The following PPARGC1A variants were observed in gnomAD, a reference collection of about 807,000 sequenced individuals.
PPARGC1A encodes PPARG coactivator 1 alpha.
In PPARGC1A, 25 loss-of-function variants were observed where a neutral mutation model predicts 88.7. That is an observed-to-expected ratio of 0.28 (90% CI 0.21 to 0.39). The LOEUF (loss-of-function observed/expected upper bound fraction) is 0.39. Ranked by LOEUF, PPARGC1A falls within the 10% of genes least tolerant of loss-of-function variation. The probability of loss-of-function intolerance (pLI) is 1.00; values close to 1 mark genes in which losing one functional copy is unlikely to be tolerated. For missense variants in PPARGC1A, 880 were observed against 968.7 expected, an observed-to-expected ratio of 0.91 and a Z score of 1.22; for synonymous variants, 363 against 355.6, an observed-to-expected ratio of 1.02 and a Z score of -0.24.
chr4:24,214,441 G>C, the PPARGC1A span, among the ~76,000 whole-genome samples: 214 of 152,284 alleles, frequency 1.4e-3, no homozygotes, highest in African/African-American at 5.0e-3. Context: ...CAGAAAGAAT[G>C]ACAGCATAGT....
the PPARGC1A span, among the ~76,000 whole-genome samples, chr4:24,377,382 G>C: frequency 3.9e-5 from 6 of 152,054 alleles, no homozygotes; most frequent in Non-Finnish European, 8.8e-5. Flanking sequence ...TAAATAAATA[G>C]AAAATATTTC....
chr4:23,894,882 T>C (rs1189290040), upstream of PPARGC1A, among the ~76,000 whole-genome samples: 2 of 152,178 alleles, frequency 1.3e-5, no homozygotes, highest in African/African-American at 4.8e-5. Context: ...ACATTTTCAT[T>C]TACCTTAATT....
At chr4:24,070,209 T>G in the PPARGC1A span, among the ~76,000 whole-genome samples, 1 of 152,190 alleles carries the variant, frequency 6.6e-6, no homozygotes, top group Non-Finnish European at 1.5e-5. Context: ...CTGGGCATTC[T>G]TCTCTTCACT....
the PPARGC1A span, among the ~76,000 whole-genome samples, chr4:23,938,869 A>T: frequency 3.2e-4 from 48 of 152,288 alleles, no homozygotes; most frequent in Non-Finnish European, 6.5e-4. Context: ...AGGAGAGAGC[A>T]TGTCTGCTGC....
chr4:24,295,140 G>A, the PPARGC1A span, among the ~76,000 whole-genome samples: 3 of 152,126 alleles, frequency 2.0e-5, no homozygotes, highest in Non-Finnish European at 2.9e-5. Context: ...TATTCTATAA[G>A]CATCAAACCA....
chr4:24,069,460 T>G, the PPARGC1A span, among the ~76,000 whole-genome samples: 1 of 152,200 alleles, frequency 6.6e-6, no homozygotes, highest in Non-Finnish European at 1.5e-5. Context: ...ATGACATTCC[T>G]TCTTTGAAGT....
the PPARGC1A span, among the ~76,000 whole-genome samples, chr4:24,450,859 T>C: frequency 3.3e-5 from 5 of 152,332 alleles, no homozygotes; most frequent in East Asian, 9.6e-4. Flanking sequence ...TCAGTGGAAA[T>C]GTACCTCTCT....
the PPARGC1A span, among the ~76,000 whole-genome samples, chr4:24,209,556 T>G: frequency 9.9e-5 from 15 of 152,180 alleles, no homozygotes; most frequent in East Asian, 3.8e-4. Context: ...ATGTGAATAG[T>G]GCTACTGCTG....
the PPARGC1A span, among the ~76,000 whole-genome samples, chr4:24,053,579 C>G: frequency 6.6e-6 from 1 of 152,182 alleles, no homozygotes; most frequent in Admixed American, 6.5e-5. Context: ...AGAGGAATCT[C>G]TCCCCATCTA....
the PPARGC1A span, among the ~76,000 whole-genome samples, chr4:23,910,120 T>C: frequency 2.3e-5 from 3 of 131,466 alleles, no homozygotes; most frequent in Non-Finnish European, 4.6e-5. Flanking sequence ...TATGTGTGTG[T>C]ATATATATAA....
the PPARGC1A span, among the ~76,000 whole-genome samples, chr4:24,110,834 G>A: frequency 6.6e-6 from 1 of 152,228 alleles, no homozygotes; most frequent in South Asian, 2.1e-4. Context: ...CAAAAGGGAA[G>A]CTGAAAAAGG....
chr4:24,315,036 A>T, the PPARGC1A span, among the ~76,000 whole-genome samples: 1 of 152,038 alleles, frequency 6.6e-6, no homozygotes, highest in Non-Finnish European at 1.5e-5. Context: ...AAAAAAAAAA[A>T]AAGAAATCTA....
the PPARGC1A span, among the ~76,000 whole-genome samples, chr4:24,192,385 C>T: frequency 2.6e-5 from 4 of 152,138 alleles, no homozygotes; most frequent in South Asian, 2.1e-4. Context: ...AAAAAATGTA[C>T]GCCTTACCCC....
In PPARGC1A at chr4:23,829,490, C is replaced by G; in HGVS notation, c.525G>C (p.Arg175Ser). The G allele has an allele frequency of 1.9e-6, 3 of 1,613,684 alleles. No homozygotes were observed. Among genetic ancestry groups the G allele is most frequent in the Non-Finnish European group, 2.5e-6 (3 of 1,179,664 alleles). The change falls in exon 4 of 13, where the codon AGG (arginine) becomes AGC (serine). Residue 175 changes from arginine (R) to serine (S), a missense_variant. Transcript: ENST00000264867. ...TAACAATTGCAGGGTTTGTTCTGAT[C>G]CTGTGATTGTGATTTGCATGGTTCT... ...STQNHANHNH[R>S]IRTNPAIVKT... is the part of the protein sequence containing the mutation.
the PPARGC1A span, among the ~76,000 whole-genome samples, chr4:24,015,776 C>A: frequency 6.6e-6 from 1 of 152,140 alleles, no homozygotes; most frequent in African/African-American, 2.4e-5. Flanking sequence ...CAAAGCCGCT[C>A]AGAGAAAGCC....
At position 23,831,638 on chromosome 4, in the gene PPARGC1A, G is replaced by T. The variant is rs529427617; in HGVS notation, c.348C>A (p.Asp116Glu). 5 of 1,614,088 alleles carry T rather than the reference G, an allele frequency of 3.1e-6. No individual in the cohort carries two copies. The highest frequency in any genetic ancestry group is 1.3e-5 in the African/African-American group (1 of 75,030). ...GACTAGCCTCATTGTCAGTGGTCAC[G>T]TCTCCATCTGTCAGCGCATCAAATG... ...LPSFDALTDG[D>E]VTTDNEASPS... Residue 116 changes from aspartate to glutamate, a missense_variant, in exon 3 of 13, where the codon GAC becomes GAA. Asp to Glu is a conservative substitution (Grantham distance 45). Coordinates refer to ENST00000264867, the MANE Select transcript of PPARGC1A (RefSeq NM_013261.5).
At chr4:23,857,769 A>G (rs1285696256) in intron 2 of PPARGC1A, among the ~76,000 whole-genome samples, 1 of 151,672 alleles carries the variant, frequency 6.6e-6, no homozygotes, top group Non-Finnish European at 1.5e-5. Flanking sequence ...CTCCAGGGCT[A>G]GCACAGAATA....
At chr4:24,253,987 TGCC>T in the PPARGC1A span, among the ~76,000 whole-genome samples, 1 of 152,326 alleles carries the variant, frequency 6.6e-6, no homozygotes, top group South Asian at 2.1e-4. Flanking sequence ...TCTTACTATC[TGCC>T]AAACACTGAT....
At chr4:23,999,968 C>G in the PPARGC1A span, among the ~76,000 whole-genome samples, 5 of 152,198 alleles carry the variant, frequency 3.3e-5, no homozygotes, top group East Asian at 9.7e-4. Flanking sequence ...GTTGATGAGA[C>G]GCAAGCACGT....
Sources: allele counts gnomAD v4.1 joint callset (sites outside exome capture counted in the v4.1 genomes callset), GRCh38; gene constraint gnomAD v4.1.1; transcripts MANE v1.5; gene names NCBI Gene and HGNC (gene_info 2026-07-23, HGNC 2026-07-21).